The following GGA2 variants were observed in gnomAD, a reference collection of about 807,000 sequenced individuals.
The protein encoded by GGA2 is ADP-ribosylation factor-binding protein GGA2.
Under a neutral mutation model 79.5 loss-of-function variants are expected in GGA2, and 48 were observed. The ratio of observed to expected loss-of-function variants is 0.60; its 90% CI spans 0.48 to 0.77. The LOEUF (loss-of-function observed/expected upper bound fraction) is 0.77. Ranked by LOEUF, GGA2 falls within the 30% of genes least tolerant of loss-of-function variation. The pLI is 0.00. For synonymous variants in GGA2, 317 were observed against 302.0 expected, an observed-to-expected ratio of 1.05 and a Z score of -0.51; for missense variants, 770 against 774.0, an observed-to-expected ratio of 0.99 and a Z score of 0.06.
chr16:23,491,637 C>T, intron 5 of GGA2, 40 bp downstream of exon 5: 3 of 1,599,586 alleles, frequency 1.9e-6, no homozygotes, highest in Non-Finnish European at 2.6e-6. Context: ...AGATACAGGC[C>T]TAGTCAAGAG....
Position 23,510,394 on chromosome 16 carries a change from C to G in GGA2, c.18G>C (p.Val6=). Reference sequence around the variant, plus strand: ...ACTCGGTTCCCGCCACAGCCGCCGCCACCGCGGTCGCCGCCATCGCTCCAG... The same window carrying G: ...ACTCGGTTCCCGCCACAGCCGCCGCGACCGCGGTCGCCGCCATCGCTCCAG... MAATA[V]AAAVAGTESA... The change falls in exon 1 of 17, where the codon GTG becomes GTC. Residue 6 remains valine, a synonymous_variant. Transcript: ENST00000309859. 7.2e-7 allele frequency: 1 copy of G among 1,393,578 alleles called. No homozygotes were observed. Among genetic ancestry groups the G allele is most frequent in the Non-Finnish European group, 9.3e-7 (1 of 1,070,708 alleles). 86.3% of individuals were successfully genotyped at this position (1,393,578 alleles called of 1,614,324 possible).
chr16:23,493,290 G>A, intron 4 of GGA2, 70 bp downstream of exon 4: 2 of 924,806 alleles, frequency 2.2e-6, no homozygotes, highest in Non-Finnish European at 1.8e-6. Flanking sequence ...TCTGGCCTGA[G>A]GAGGGAGCCA....
upstream of GGA2, chr16:23,510,598 T>C (rs1567372284): frequency 2.6e-6 from 1 of 383,398 alleles, no homozygotes; most frequent in Non-Finnish European, 4.6e-6. Flanking sequence ...TTAGTCCAGA[T>C]CCCTCCACCC....
intron 9 of GGA2, 54 bp from the exon 10 acceptor site, chr16:23,480,824 G>C: frequency 6.4e-7 from 1 of 1,563,350 alleles, no homozygotes; most frequent in Non-Finnish European, 8.8e-7. Context: ...AACAATCTCA[G>C]TCTTTTCTAA....
upstream of GGA2, chr16:23,522,809 G>C (rs1965160675): frequency 6.6e-6 from 1 of 152,156 alleles, no homozygotes; most frequent in African/African-American, 2.4e-5. Context: ...CTGGCTTAGG[G>C]TCTCCCATAG....
At chr16:23,479,701 G>A in intron 11 of GGA2, 64 bp downstream of exon 11, 1 of 1,589,678 alleles carries the variant, frequency 6.3e-7, no homozygotes, top group Non-Finnish European at 8.6e-7. Flanking sequence ...TCCGCGAAGG[G>A]AACCAGCTCA....
intron 8 of GGA2, among the ~76,000 whole-genome samples, 178 bp downstream of exon 8, chr16:23,485,837 G>A (rs1233287966): frequency 6.6e-6 from 1 of 152,188 alleles, no homozygotes; most frequent in African/African-American, 2.4e-5. Context: ...CAGCTGCCTG[G>A]GGACTGGGGA....
intron 2 of GGA2, 122 bp downstream of exon 2, chr16:23,495,572 T>C (rs1055746868): frequency 8.0e-6 from 4 of 500,862 alleles, no homozygotes; most frequent in Non-Finnish European, 1.1e-5. Flanking sequence ...GTTGGGATTA[T>C]AGGCATGAGC....
At chr16:23,491,910 G>T in intron 4 of GGA2, 110 bp from the exon 5 acceptor site, 1 of 691,518 alleles carries the variant, frequency 1.4e-6, no homozygotes, top group Admixed American at 2.5e-5. Context: ...CCCAGGCGCG[G>T]TATGAGTGTG....
chr16:23,509,495 A>ATGTT (rs1353774899), intron 1 of GGA2, among the ~76,000 whole-genome samples: 1 of 152,150 alleles, frequency 6.6e-6, no homozygotes. Flanking sequence ...CCACTAAAAA[A>ATGTT]TGTTTTGGTG....
At chr16:23,479,672 C>A in intron 11 of GGA2, 93 bp downstream of exon 11, 2 of 1,434,792 alleles carry the variant, frequency 1.4e-6, no homozygotes. Flanking sequence ...TCTCGACTCC[C>A]TCAGCAGCAG....
chr16:23,470,198 AC>A, intron 14 of GGA2, 33 bp from the exon 15 acceptor site: 2 of 1,508,798 alleles, frequency 1.3e-6, no homozygotes, highest in Non-Finnish European at 1.8e-6. Context: ...AAGGTTTAAC[AC>A]CACTACAAAC....
At chr16:23,497,666 T>C (rs1245571119) in intron 1 of GGA2, among the ~76,000 whole-genome samples, 1 of 152,140 alleles carries the variant, frequency 6.6e-6, no homozygotes, top group Admixed American at 6.5e-5. Flanking sequence ...CAAGTCACAT[T>C]CCACCCTAAA....
In GGA2 at chr16:23,465,119, G is replaced by A. The variant is rs1198975156; in HGVS notation, c.*2471C>T. 1.7e-6 allele frequency: 1 copy of A among 581,554 alleles called. No individual in the cohort carries two copies. Among genetic ancestry groups the A allele is most frequent in the Non-Finnish European group, 3.1e-6 (1 of 327,064 alleles). 36.0% of individuals were successfully genotyped at this position (581,554 alleles called of 1,614,324 possible). On this transcript the variant is annotated 3_prime_UTR_variant, in exon 17 of 17. Transcript: ENST00000309859. ...CCCAGAGGAAAAGAAGCTCCTTCAG[G>A]GTGGTGCCTGGCTCAGGGTAGCTGG...
intron 8 of GGA2, among the ~76,000 whole-genome samples, chr16:23,484,246 T>TA (rs575473263): frequency 1.9e-3 from 263 of 138,378 alleles, no homozygotes; most frequent in Middle Eastern, 0.011. Context: ...TGTCTCTACT[T>TA]AAAAAAAAAA....
intron 4 of GGA2, among the ~76,000 whole-genome samples, chr16:23,493,158 T>G (rs1039567194): frequency 2.6e-5 from 4 of 152,138 alleles, no homozygotes; most frequent in African/African-American, 9.7e-5. Flanking sequence ...AAAAGGGAAA[T>G]GTGAAAATGC....
intron 14 of GGA2, among the ~76,000 whole-genome samples, chr16:23,471,688 T>A (rs1964513135): frequency 6.6e-6 from 1 of 152,042 alleles, no homozygotes; most frequent in Non-Finnish European, 1.5e-5. Flanking sequence ...CTGCTTGAGG[T>A]CAGGAGTTCA....
chr16:23,503,418 CTTTTT>C (rs1159851196), intron 1 of GGA2, among the ~76,000 whole-genome samples: 3 of 152,048 alleles, frequency 2.0e-5, no homozygotes, highest in African/African-American at 7.2e-5. Context: ...ATGATATTTT[CTTTTT>C]TATCTTTACT....
chr16:23,494,726 A>C (rs1409098076), intron 2 of GGA2, among the ~76,000 whole-genome samples: 2 of 152,236 alleles, frequency 1.3e-5, no homozygotes, highest in Non-Finnish European at 2.9e-5. Context: ...GAAATGCTAG[A>C]GCAGAAAGTG....
Sources: allele counts gnomAD v4.1 joint callset (sites outside exome capture counted in the v4.1 genomes callset), GRCh38; gene constraint gnomAD v4.1.1; transcripts MANE v1.5; gene names NCBI Gene and HGNC (gene_info 2026-07-23, HGNC 2026-07-21).